VDAC2: variants seen among roughly 807,000 people sequenced by gnomAD.
VDAC2 encodes the protein non-selective voltage-gated ion channel VDAC2.
Under a neutral mutation model 36.6 loss-of-function variants are expected in VDAC2, and 6 were observed. The observed-to-expected ratio is 0.16, with a 90% CI of 0.09 to 0.32. The LOEUF is 0.32. VDAC2 is among the 10% of genes least tolerant of loss of function. The pLI is 1.00. For synonymous variants in VDAC2, 109 were observed against 123.8 expected, an observed-to-expected ratio of 0.88 and a Z score of 0.79; for missense variants, 247 against 346.0, an observed-to-expected ratio of 0.71 and a Z score of 2.27.
At chr10:75,227,873 A>G (rs1249858959) in intron 8 of VDAC2, among the ~76,000 whole-genome samples, 2 of 150,728 alleles carry the variant, frequency 1.3e-5, no homozygotes, top group East Asian at 2.0e-4. Flanking sequence ...AGCCCGGCCA[A>G]TAATGGGAAT....
chr10:75,216,168 T>C (rs138118039), intron 4 of VDAC2, among the ~76,000 whole-genome samples: 311 of 152,376 alleles, frequency 2.0e-3, no homozygotes, highest in African/African-American at 7.0e-3. Flanking sequence ...TTAGTGTTTT[T>C]TAATGTTCCC....
At chr10:75,213,008 C>T (rs886954859) in intron 3 of VDAC2, among the ~76,000 whole-genome samples, 1 of 152,212 alleles carries the variant, frequency 6.6e-6, no homozygotes, top group Admixed American at 6.5e-5. Flanking sequence ...CCCTCCTCCC[C>T]TTTATTTAGA....
rs752681032 is a variant in VDAC2, at chr10:75,230,875, T to C, written c.794-23T>C. On this transcript the variant is annotated intron_variant, in intron 9 of 9. Transcript: ENST00000332211. ...GCCAGGTACATCACGGTTTTTTGTTTTTGTGTTTTTTTGTCTTAATAGGTG... is the reference window on the plus strand; with the variant it reads ...GCCAGGTACATCACGGTTTTTTGTTCTTGTGTTTTTTTGTCTTAATAGGTG... The C allele has an allele frequency of 3.1e-6, 5 of 1,605,186 alleles. No homozygotes were observed. The African/African-American group carries it at 6.7e-5, about 22-fold the overall frequency.
chr10:75,217,625 G>C (rs1354538074), intron 4 of VDAC2, among the ~76,000 whole-genome samples: 1 of 152,216 alleles, frequency 6.6e-6, no homozygotes. Context: ...TGATCGGCCC[G>C]CCTTGGCCTC....
At position 75,231,121 on chromosome 10, in the gene VDAC2, A is replaced by C; in HGVS notation, c.*132A>C. The C allele has an allele frequency of 1.4e-6, 1 of 691,516 alleles. No homozygotes were observed. The highest frequency in any genetic ancestry group is 2.4e-6 in the Non-Finnish European group (1 of 412,018). The allele number at this position is 691,516 out of a possible 1,614,324, so 42.8% of individuals were successfully genotyped here. A position where few individuals can be genotyped will look rare whatever the true frequency, so the allele number is the denominator to read the frequency against. ...AAAGGATGATCTCAACAAGAGCTGT[A>C]TTTTAAGTATTTAGACAGTTCTTTG... On this transcript the variant is annotated 3_prime_UTR_variant, in exon 10 of 10. Transcript: ENST00000332211.
chr10:75,213,374 C>T (rs1286828293), intron 3 of VDAC2, among the ~76,000 whole-genome samples: 1 of 152,204 alleles, frequency 6.6e-6, no homozygotes, highest in African/African-American at 2.4e-5. Context: ...GCCACCGCAC[C>T]TGGCCATATC....
At chr10:75,212,443 C>T (rs1220468506) in intron 3 of VDAC2, 145 bp downstream of exon 3, 1 of 735,700 alleles carries the variant, frequency 1.4e-6, no homozygotes, top group East Asian at 2.8e-5. Context: ...GACAGGGTCT[C>T]CCTCTGTTGC....
chr10:75,219,286 AC>A lies in VDAC2; in HGVS notation c.304-17del. The A allele has an allele frequency of 6.3e-7, 1 of 1,579,120 alleles. No homozygotes were observed. The highest frequency in any genetic ancestry group is 8.6e-7 in the Non-Finnish European group (1 of 1,165,566). ...GTATTTCAAAAAAAGAAAACAAATT[AC>A]TTTTCTTTCAAAATAGATTTGTCAA... On this transcript the variant is annotated splice_polypyrimidine_tract_variant and intron_variant, in intron 5 of 9. Transcript: ENST00000332211.
rs762737228 is a variant in VDAC2, at chr10:75,219,304, A to G, written c.304A>G (p.Ile102Val). The G allele has an allele frequency of 9.4e-6, 15 of 1,594,490 alleles. No individual in the cohort carries two copies. The highest frequency in any genetic ancestry group is 1.3e-5 in the Non-Finnish European group (15 of 1,172,254). The change falls in exon 6 of 10, where the codon ATT becomes GTT. Residue 102 changes from isoleucine to valine, a missense_variant and splice_region_variant. Transcript: ENST00000332211. ...ACAAATTACTTTTCTTTCAAAATAG[A>G]TTTGTCAAGGTTTGAAACTGACATT... is the stretch of plus-strand genomic sequence containing the variant. Reference protein sequence around the residue: ...LGTEIAIEDQICQGLKLTFDT... With the variant: ...LGTEIAIEDQVCQGLKLTFDT...
At chr10:75,211,046 C>G (rs1469687275) in intron 1 of VDAC2, 88 bp from the exon 2 acceptor site, 1 of 1,272,122 alleles carries the variant, frequency 7.9e-7, no homozygotes, top group Non-Finnish European at 1.1e-6. Flanking sequence ...GATGGCCGCG[C>G]TGCCCCGCGG....
chr10:75,213,864 A>C (rs1841513239), intron 3 of VDAC2, among the ~76,000 whole-genome samples, 157 bp from the exon 4 acceptor site: 1 of 152,258 alleles, frequency 6.6e-6, no homozygotes, highest in Non-Finnish European at 1.5e-5. Flanking sequence ...ACAAAAGACG[A>C]ATTTGTAACA....
At chr10:75,214,189 G>T (rs761257578) in intron 4 of VDAC2, 119 bp downstream of exon 4, 4 of 1,067,724 alleles carry the variant, frequency 3.7e-6, no homozygotes, top group Non-Finnish European at 5.5e-6. Context: ...AGTTAACTTT[G>T]TTTTAAGAGA....
At chr10:75,210,989 C>G (rs1430690096) in intron 1 of VDAC2, 51 bp downstream of exon 1, 3 of 729,150 alleles carry the variant, frequency 4.1e-6, no homozygotes, top group Non-Finnish European at 6.1e-6. Context: ...CCGCGGCGGC[C>G]AAGCCGGAGG....
At position 75,215,356 on chromosome 10, in the gene VDAC2, C is replaced by T. The variant is rs574096122; in HGVS notation, c.150+1286C>T. On this transcript the variant is annotated intron_variant, in intron 4 of 9. Transcript: ENST00000332211. ...ATGTATATATATAGAGAGAGAGAGA[C>T]TTTTTTTTTTTTTGAGACGGAGTCT... 1.1e-4 allele frequency among the ~76,000 whole-genome samples: 16 copies of T among 143,394 alleles called. No individual in the cohort carries two copies. In the South Asian group the frequency reaches 3.1e-3, roughly 27 times the overall value. The allele number at this position is 143,394 out of a possible 152,430, so 94.1% of individuals were successfully genotyped here. A position where few individuals can be genotyped will look rare whatever the true frequency, so the allele number is the denominator to read the frequency against.
At chr10:75,219,815 G>T (rs1486257249) in intron 6 of VDAC2, among the ~76,000 whole-genome samples, 3 of 137,674 alleles carry the variant, frequency 2.2e-5, no homozygotes, top group South Asian at 2.3e-4. Flanking sequence ...TTATTTTATT[G>T]TATTTATTTT....
At chr10:75,222,523 GT>G in intron 8 of VDAC2, 121 bp downstream of exon 8, 2 of 1,355,080 alleles carry the variant, frequency 1.5e-6, no homozygotes, top group African/African-American at 1.5e-5. Flanking sequence ...AGATAGATTA[GT>G]TTTAGATTTT....
At chr10:75,219,986 C>T (rs1841760068) in intron 6 of VDAC2, among the ~76,000 whole-genome samples, 1 of 150,934 alleles carries the variant, frequency 6.6e-6, no homozygotes, top group African/African-American at 2.4e-5. Flanking sequence ...TGCCACCACG[C>T]CCACCTAATT....
At chr10:75,227,842 G>T (rs1476774071) in intron 8 of VDAC2, among the ~76,000 whole-genome samples, 1 of 150,842 alleles carries the variant, frequency 6.6e-6, no homozygotes, top group Admixed American at 6.6e-5. Context: ...AAAGTGCTGG[G>T]ATTACAGGCA....
chr10:75,225,332 A>G (rs1195502918), intron 8 of VDAC2, among the ~76,000 whole-genome samples: 2 of 152,222 alleles, frequency 1.3e-5, no homozygotes, highest in East Asian at 3.8e-4. Flanking sequence ...TAAAGAATTT[A>G]TTTGCACCAT....
Sources: gnomAD v4.1 joint callset for allele counts (sites outside exome capture counted in the v4.1 genomes callset) on GRCh38, gnomAD v4.1.1 for gene constraint, MANE v1.5 for transcripts, NCBI Gene and HGNC (gene_info 2026-07-23, HGNC 2026-07-21) for gene names.